The following SCHIP1 variants were observed in gnomAD, a reference collection of about 807,000 sequenced individuals.
The protein encoded by SCHIP1 is schwannomin interacting protein 1.
Under a neutral mutation model 29.7 loss-of-function variants are expected in SCHIP1, and 8 were observed. That is an observed-to-expected ratio of 0.27 (90% CI 0.16 to 0.49). The LOEUF (loss-of-function observed/expected upper bound fraction) is 0.49, where lower values mean the gene tolerates loss of function less well. SCHIP1 is among the 20% of genes least tolerant of loss of function. The pLI, the probability that SCHIP1 is intolerant of heterozygous loss-of-function variation, is 0.99. For synonymous variants in SCHIP1, 76 were observed against 94.9 expected, an observed-to-expected ratio of 0.80 and a Z score of 1.16; for missense variants, 193 against 294.6, an observed-to-expected ratio of 0.66 and a Z score of 2.52.
chr3:159,446,305 C>T, the SCHIP1 span, among the ~76,000 whole-genome samples: 1 of 152,006 alleles, frequency 6.6e-6, no homozygotes, highest in African/African-American at 2.4e-5. Flanking sequence ...GGTCATATGT[C>T]ATAGTGTGCA....
At chr3:159,703,350 TA>T in the SCHIP1 span, among the ~76,000 whole-genome samples, 1 of 152,234 alleles carries the variant, frequency 6.6e-6, no homozygotes. Context: ...TTCATCTTAT[TA>T]ACCTAAGAAC....
chr3:159,277,994 A>C, the SCHIP1 span, among the ~76,000 whole-genome samples: 24 of 152,190 alleles, frequency 1.6e-4, no homozygotes, highest in African/African-American at 5.5e-4. Flanking sequence ...CAGAAAGATG[A>C]GTCACACTGG....
the SCHIP1 span, among the ~76,000 whole-genome samples, chr3:159,369,184 C>T: frequency 6.6e-6 from 1 of 152,116 alleles, no homozygotes; most frequent in Admixed American, 6.5e-5. Context: ...TTTTTTAGTC[C>T]ATTATCTTCA....
the SCHIP1 span, among the ~76,000 whole-genome samples, chr3:159,717,581 A>G: frequency 2.1e-4 from 32 of 152,320 alleles, no homozygotes; most frequent in African/African-American, 5.5e-4. Flanking sequence ...ACAAACTACC[A>G]TCAGAGAATA....
At chr3:159,496,301 A>G in the SCHIP1 span, among the ~76,000 whole-genome samples, 1 of 152,238 alleles carries the variant, frequency 6.6e-6, no homozygotes, top group South Asian at 2.1e-4. Flanking sequence ...AGAAACTACC[A>G]TCAGAGTGAA....
At chr3:159,744,760 G>C in the SCHIP1 span, among the ~76,000 whole-genome samples, 1 of 152,110 alleles carries the variant, frequency 6.6e-6, no homozygotes, top group East Asian at 1.9e-4. Flanking sequence ...GGTGGATCAC[G>C]AGGTCAGGAG....
chr3:159,774,954 CT>C, the SCHIP1 span, among the ~76,000 whole-genome samples: 15 of 151,898 alleles, frequency 9.9e-5, no homozygotes, highest in Admixed American at 9.8e-4. Context: ...CATTTTTTTT[CT>C]TTTTTTTCTT....
chr3:159,750,263 G>GTATATATATATA, the SCHIP1 span, among the ~76,000 whole-genome samples: 16 of 25,066 alleles, frequency 6.4e-4, no homozygotes, highest in Admixed American at 4.4e-3. Flanking sequence ...ATGTGTGTGT[G>GTATATATATATA]TATATATATA....
chr3:159,869,117 G>A (rs1443201581), intron 2 of SCHIP1, among the ~76,000 whole-genome samples: 3 of 151,940 alleles, frequency 2.0e-5, no homozygotes, highest in East Asian at 1.9e-4. Flanking sequence ...TCAACTTATC[G>A]AAGTTCTTCA....
the SCHIP1 span, among the ~76,000 whole-genome samples, chr3:159,553,003 C>T: frequency 6.6e-6 from 1 of 152,074 alleles, no homozygotes; most frequent in Non-Finnish European, 1.5e-5. Context: ...ATATTAGTTA[C>T]TGTCAAAAAG....
the SCHIP1 span, among the ~76,000 whole-genome samples, chr3:159,663,481 T>C: frequency 6.6e-6 from 1 of 152,204 alleles, no homozygotes; most frequent in African/African-American, 2.4e-5. Flanking sequence ...ATCCATTGTA[T>C]GTCTAGCTCC....
the SCHIP1 span, chr3:159,764,438 C>G: frequency 2.7e-3 from 4,341 of 1,583,356 alleles, 9 homozygotes; most frequent in Non-Finnish European, 3.4e-3. The surrounding 1 kb of genome is among the most constrained non-coding windows in gnomAD (Gnocchi z 6.1). Flanking sequence ...ACCTCCTCCC[C>G]CTAGGATTAC....
chr3:159,887,474 G>A, intron 3 of SCHIP1: 1 of 478,198 alleles, frequency 2.1e-6, no homozygotes. Flanking sequence ...CAAGGTTGTT[G>A]TAAATATATT....
chr3:159,704,799 T>C, the SCHIP1 span, among the ~76,000 whole-genome samples: 3 of 152,172 alleles, frequency 2.0e-5, no homozygotes, highest in African/African-American at 7.2e-5. Flanking sequence ...ACAATTGTAA[T>C]AATACAATAT....
the SCHIP1 span, among the ~76,000 whole-genome samples, chr3:159,394,154 A>G: frequency 6.7e-6 from 1 of 149,690 alleles, no homozygotes; most frequent in African/African-American, 2.5e-5. Flanking sequence ...TGATTTTTGT[A>G]CATTGATTTT....
chr3:159,742,990 G>T, the SCHIP1 span, among the ~76,000 whole-genome samples: 1 of 151,826 alleles, frequency 6.6e-6, no homozygotes, highest in Non-Finnish European at 1.5e-5. Flanking sequence ...CCGGGCCTTG[G>T]ATACACTCTT....
the SCHIP1 span, among the ~76,000 whole-genome samples, chr3:159,754,610 G>A: frequency 6.6e-6 from 1 of 152,208 alleles, no homozygotes; most frequent in Non-Finnish European, 1.5e-5. Context: ...TTTAGTCACT[G>A]ATTCCCCCTG....
At chr3:159,720,686 G>T in the SCHIP1 span, among the ~76,000 whole-genome samples, 5 of 151,990 alleles carry the variant, frequency 3.3e-5, no homozygotes, top group Admixed American at 2.6e-4. Flanking sequence ...CCGAGTTCAA[G>T]CAATCCTCCC....
intron 2 of SCHIP1, among the ~76,000 whole-genome samples, chr3:159,871,932 G>A (rs1017608796): frequency 6.6e-6 from 1 of 152,050 alleles, no homozygotes; most frequent in African/African-American, 2.4e-5. Context: ...TTTGTGTTCG[G>A]TCCTACTTCA....
Sources: gnomAD v4.1 joint callset for allele counts (sites outside exome capture counted in the v4.1 genomes callset) on GRCh38, gnomAD v4.1.1 for gene constraint, Gnocchi (gnomAD v3.1) non-coding constraint, MANE v1.5 for transcripts, NCBI Gene and HGNC (gene_info 2026-07-23, HGNC 2026-07-21) for gene names.